FGGY: variants seen among roughly 807,000 people sequenced by gnomAD.
FGGY encodes the protein FGGY carbohydrate kinase domain-containing protein.
A neutral mutation model predicts 71.3 loss-of-function variants in FGGY; 72 were observed. The observed-to-expected ratio is 1.01, with a 90% CI of 0.84 to 1.23. The LOEUF (loss-of-function observed/expected upper bound fraction) is 1.23, where lower values mean the gene tolerates loss of function less well. FGGY is among the 50% of genes most tolerant of loss of function. The pLI, the probability that FGGY is intolerant of heterozygous loss-of-function variation, is 0.00. For missense variants in FGGY, 668 were observed against 682.3 expected, an observed-to-expected ratio of 0.98 and a Z score of 0.23; for synonymous variants, 251 against 250.3, an observed-to-expected ratio of 1.00 and a Z score of -0.02.
At chr1:59,705,030 C>G (rs556080487) in intron 14 of FGGY, among the ~76,000 whole-genome samples, 52 of 152,242 alleles carry the variant, frequency 3.4e-4, no homozygotes, top group African/African-American at 1.2e-3. Context: ...TAAGAATGAA[C>G]ATTCTCTTTA....
intron 12 of FGGY, among the ~76,000 whole-genome samples, chr1:59,662,337 AGAG>A (rs1430911525): frequency 7.9e-6 from 1 of 126,324 alleles, no homozygotes; most frequent in African/African-American, 4.2e-5. Context: ...AAAAAAAAAG[AGAG>A]AGATTTTATA....
intron 5 of FGGY, among the ~76,000 whole-genome samples, chr1:59,436,474 A>G (rs1052938094): frequency 1.3e-5 from 2 of 152,148 alleles, no homozygotes; most frequent in African/African-American, 2.4e-5. Context: ...TTTTCTGCCC[A>G]TGGCCCCTAC....
Position 59,336,515 on chromosome 1 carries a change from T to A in FGGY, c.202-3443T>A, listed in dbSNP as rs983505661. Among the ~76,000 whole-genome samples the A allele has an allele frequency of 6.1e-5, 9 of 148,032 alleles. No individual in the cohort carries two copies. The East Asian group carries it at 1.8e-3, about 30-fold the overall frequency. ...TTTTCACTTTAAGTTTTGGGATACA[T>A]GTGCAGAAAGTGCAGGTTTGTTACA... On this transcript the variant is annotated intron_variant, in intron 2 of 15. Transcript: ENST00000303721.
chr1:59,504,055 A>T (rs563587264), intron 6 of FGGY, among the ~76,000 whole-genome samples: 1 of 152,256 alleles, frequency 6.6e-6, no homozygotes, highest in Non-Finnish European at 1.5e-5. Flanking sequence ...TTTTTGTCCA[A>T]TCATATTTTT....
intron 13 of FGGY, among the ~76,000 whole-genome samples, chr1:59,670,391 G>T (rs1331869800): frequency 6.6e-6 from 1 of 152,216 alleles, no homozygotes; most frequent in Non-Finnish European, 1.5e-5. Context: ...TGTAGACCTG[G>T]AACATGATTC....
At chr1:59,738,228 C>T (rs2098121324) in intron 14 of FGGY, among the ~76,000 whole-genome samples, 1 of 152,268 alleles carries the variant, frequency 6.6e-6, no homozygotes, top group South Asian at 2.1e-4. Context: ...CTCCAGGGAA[C>T]AGGGTAAGGA....
intron 5 of FGGY, among the ~76,000 whole-genome samples, chr1:59,405,054 G>T (rs888451791): frequency 1.3e-5 from 2 of 152,184 alleles, no homozygotes; most frequent in African/African-American, 2.4e-5. Context: ...AAAGATGCTT[G>T]TTAAGCAAAA....
chr1:59,728,396 T>C (rs1183869524), intron 14 of FGGY, among the ~76,000 whole-genome samples: 2 of 152,068 alleles, frequency 1.3e-5, no homozygotes, highest in South Asian at 2.1e-4. Context: ...ACTCAATATA[T>C]TGTTACTATT....
intron 5 of FGGY, among the ~76,000 whole-genome samples, chr1:59,450,493 A>T (rs1432002717): frequency 6.6e-6 from 1 of 152,118 alleles, no homozygotes; most frequent in East Asian, 1.9e-4. Context: ...TGCATGAATT[A>T]TAAAGTATTC....
chr1:59,711,398 C>A (rs537654805), intron 14 of FGGY, among the ~76,000 whole-genome samples: 82 of 152,146 alleles, frequency 5.4e-4, no homozygotes, highest in Admixed American at 5.2e-3. Context: ...ATGTAACAAA[C>A]CTGGATGTTC....
chr1:59,327,314 T>C (rs2047619648), intron 2 of FGGY, among the ~76,000 whole-genome samples: 1 of 152,248 alleles, frequency 6.6e-6, no homozygotes, highest in Non-Finnish European at 1.5e-5. Context: ...TGTTGTCATT[T>C]CAACATTGTT....
intron 1 of FGGY, among the ~76,000 whole-genome samples, chr1:59,299,383 C>T (rs1046331213): frequency 3.9e-5 from 6 of 152,100 alleles, no homozygotes; most frequent in African/African-American, 1.4e-4. Context: ...CCAGGGCAAA[C>T]AGTGATACAT....
chr1:59,659,420 A>G (rs1486547521), intron 11 of FGGY, among the ~76,000 whole-genome samples: 1 of 152,198 alleles, frequency 6.6e-6, no homozygotes, highest in Admixed American at 6.5e-5. Context: ...AACACACACC[A>G]TAGGAACTGA....
chr1:59,695,136 G>T (rs2097646161), intron 14 of FGGY, among the ~76,000 whole-genome samples: 1 of 152,172 alleles, frequency 6.6e-6, no homozygotes, highest in Admixed American at 6.5e-5. Context: ...TCTATATGTG[G>T]CAGTGACTAT....
chr1:59,516,299 A>G (rs962580013), intron 7 of FGGY, among the ~76,000 whole-genome samples: 1 of 152,220 alleles, frequency 6.6e-6, no homozygotes, highest in African/African-American at 2.4e-5. Flanking sequence ...ACTAAATATA[A>G]TTGAGTGAAT....
At chr1:59,335,266 G>A (rs1450515275) in intron 2 of FGGY, among the ~76,000 whole-genome samples, 1 of 152,070 alleles carries the variant, frequency 6.6e-6, no homozygotes, top group African/African-American at 2.4e-5. Context: ...GTCTTTATAG[G>A]TGTTCTTTTT....
intron 7 of FGGY, among the ~76,000 whole-genome samples, chr1:59,526,411 G>GC (rs2094980768): frequency 6.6e-6 from 1 of 152,238 alleles, no homozygotes; most frequent in Non-Finnish European, 1.5e-5. Context: ...TTTGCCTCAA[G>GC]CATGTGCTGG....
At chr1:59,499,295 G>GTTTTTTTT (rs1558134095) in intron 6 of FGGY, among the ~76,000 whole-genome samples, 2 of 70,088 alleles carry the variant, frequency 2.9e-5, no homozygotes, top group African/African-American at 1.6e-4. Flanking sequence ...TGTATACTAT[G>GTTTTTTTT]TTTGTTTTTT....
chr1:59,518,469 C>G (rs1157835085), intron 7 of FGGY, among the ~76,000 whole-genome samples: 1 of 152,170 alleles, frequency 6.6e-6, no homozygotes, highest in Non-Finnish European at 1.5e-5. Context: ...ATTTATGAAG[C>G]ATGATATGGT....
Sources: gnomAD v4.1 joint callset for allele counts (sites outside exome capture counted in the v4.1 genomes callset) on GRCh38, gnomAD v4.1.1 for gene constraint, MANE v1.5 for transcripts, NCBI Gene and HGNC (gene_info 2026-07-23, HGNC 2026-07-21) for gene names.